Variants in PREX2 observed in about 807,000 individuals in gnomAD.
The protein encoded by PREX2 is phosphatidylinositol-3,4,5-trisphosphate dependent Rac exchange factor 2, also known as phosphatidylinositol 3,4,5-trisphosphate-dependent Rac exchanger 2 protein.
PREX2 carries 107 observed loss-of-function variants against 203.2 expected under a neutral mutation model. That is an observed-to-expected ratio of 0.53 (90% confidence interval 0.45 to 0.62). The LOEUF is 0.62. Among genes scored for constraint, PREX2 ranks in the 20% least tolerant of loss-of-function variants. The probability of loss-of-function intolerance (pLI) is 0.00; values close to 1 mark genes in which losing one functional copy is unlikely to be tolerated. For missense variants in PREX2, 1,777 were observed against 1,955.9 expected, an observed-to-expected ratio of 0.91 and a Z score of 1.72; for synonymous variants, 672 against 663.6, an observed-to-expected ratio of 1.01 and a Z score of -0.19.
chr8:68,164,585 C>CTTTTTTTTTT (rs755033458), intron 35 of PREX2, among the ~76,000 whole-genome samples: 1 of 135,262 alleles, frequency 7.4e-6, no homozygotes, highest in Non-Finnish European at 1.6e-5. Flanking sequence ...TTTCTTTTTT[C>CTTTTTTTTTT]TTTTTTTTTT....
At chr8:68,085,007 A>C (rs1156341314) in intron 18 of PREX2, among the ~76,000 whole-genome samples, 3 of 152,166 alleles carry the variant, frequency 2.0e-5, no homozygotes, top group Admixed American at 2.0e-4. Context: ...GCAGAATAGC[A>C]ATCTGTGTCT....
chr8:68,055,892 T>C lies in PREX2; in HGVS notation c.1156T>C (p.Tyr386His), dbSNP rs767379606. The change falls in exon 10 of 40, where the codon TAT becomes CAT. Residue 386 changes from tyrosine to histidine, a missense_variant. Coordinates refer to ENST00000288368, the MANE Select transcript of PREX2 (RefSeq NM_024870.4). The stretch of plus-strand genomic sequence containing the variant: ...GATCTCTGAACAGGGTGAGAAACTT[T>C]ATAAAATGATGTGCAGACAAGGAAA... ...VMISEQGEKL[Y>H]KMMCRQGNLI... The C allele has an allele frequency of 1.2e-6, 2 of 1,613,482 alleles. No homozygotes were observed. Among genetic ancestry groups the C allele is most frequent in the South Asian group, 2.2e-5 (2 of 91,034 alleles).
intron 23 of PREX2, among the ~76,000 whole-genome samples, chr8:68,107,564 G>T (rs1323400846): frequency 6.6e-6 from 1 of 152,206 alleles, no homozygotes; most frequent in Non-Finnish European, 1.5e-5. Flanking sequence ...TTAGCAGGAG[G>T]CATGGGAAAC....
At position 68,122,739 on chromosome 8, in the gene PREX2, T is replaced by G. The variant is rs1333519790; in HGVS notation, c.3724+1690T>G. Among the ~76,000 whole-genome samples, 3 of 152,140 alleles carry G rather than the reference T, an allele frequency of 2.0e-5. No homozygotes were observed. The East Asian group carries it at 5.8e-4, about 29-fold the overall frequency. On this transcript the variant is annotated intron_variant, in intron 30 of 39. Coordinates refer to ENST00000288368, the MANE Select transcript of PREX2 (RefSeq NM_024870.4). ...CATTAGATTCAAAGAACTTCTTGGC[T>G]TCTGCGTTAATTTTACTATTTATCC...
intron 30 of PREX2, among the ~76,000 whole-genome samples, chr8:68,124,520 G>T (rs1185772215): frequency 4.6e-5 from 7 of 152,088 alleles, no homozygotes; most frequent in Middle Eastern, 6.8e-3. Flanking sequence ...GAGAGGATCA[G>T]AAAAAATACT....
intron 13 of PREX2, among the ~76,000 whole-genome samples, chr8:68,070,973 C>T (rs1809177832): frequency 6.6e-6 from 1 of 152,150 alleles, no homozygotes; most frequent in East Asian, 1.9e-4. Flanking sequence ...AATTCTTTCA[C>T]AGATACCCAT....
chr8:68,137,412 T>C (rs964768977), intron 32 of PREX2, among the ~76,000 whole-genome samples: 3 of 151,940 alleles, frequency 2.0e-5, no homozygotes, highest in Non-Finnish European at 4.4e-5. Flanking sequence ...GGAGGTTACA[T>C]AGGTGCATGC....
At chr8:68,095,637 C>CTT (rs1585785958) in intron 21 of PREX2, among the ~76,000 whole-genome samples, 2 of 105,250 alleles carry the variant, frequency 1.9e-5, no homozygotes, top group African/African-American at 7.8e-5. Flanking sequence ...CTTTCCTTTC[C>CTT]ATTTTTTTTT....
Position 68,231,440 on chromosome 8 carries a change from T to C in PREX2, c.*62T>C, listed in dbSNP as rs1813169175. On this transcript the variant is annotated 3_prime_UTR_variant, in exon 40 of 40. Coordinates refer to ENST00000288368, the MANE Select transcript of PREX2 (RefSeq NM_024870.4). ...TGAATGCTGGACTAGACAAACTACA[T>C]GCTGGCTAAACATTCTCCACTGAAG... 3 of 1,348,096 alleles carry C rather than the reference T, an allele frequency of 2.2e-6. No individual in the cohort carries two copies. The highest frequency in any genetic ancestry group is 1.4e-5 in the South Asian group (1 of 71,288). The allele number at this position is 1,348,096 out of a possible 1,614,324, so 83.5% of individuals were successfully genotyped here.
At chr8:68,043,242 A>G (rs991284755) in intron 7 of PREX2, among the ~76,000 whole-genome samples, 2 of 152,104 alleles carry the variant, frequency 1.3e-5, no homozygotes, top group African/African-American at 4.8e-5. Flanking sequence ...TGCTTTCAAA[A>G]TGAACATGGG....
chr8:68,011,928 T>A (rs546868409), intron 1 of PREX2, among the ~76,000 whole-genome samples: 1 of 152,346 alleles, frequency 6.6e-6, no homozygotes, highest in African/African-American at 2.4e-5. Context: ...TTTATTATAG[T>A]ATTTCACTGC....
intron 1 of PREX2, among the ~76,000 whole-genome samples, chr8:67,987,915 G>A (rs4737248): frequency 2.9e-5 from 1 of 34,184 alleles, no homozygotes; most frequent in East Asian, 7.6e-4. Context: ...GCCAGGGAGT[G>A]TGTGTGTGTG....
chr8:68,095,638 A>T (rs201999803), intron 21 of PREX2, among the ~76,000 whole-genome samples: 390 of 121,384 alleles, frequency 3.2e-3, no homozygotes, highest in Middle Eastern at 4.9e-3. Context: ...TTTCCTTTCC[A>T]TTTTTTTTTT....
At chr8:67,980,477 A>C (rs1204199533) in intron 1 of PREX2, among the ~76,000 whole-genome samples, 1 of 152,192 alleles carries the variant, frequency 6.6e-6, no homozygotes. Flanking sequence ...ACATGTTCTC[A>C]GAACAAAAAG....
At chr8:68,187,867 CTG>C (rs1812221817) in intron 35 of PREX2, among the ~76,000 whole-genome samples, 1 of 152,186 alleles carries the variant, frequency 6.6e-6, no homozygotes, top group Non-Finnish European at 1.5e-5. Flanking sequence ...GTGGGCTACA[CTG>C]AGGCCTCTGG....
At chr8:67,998,603 GA>G (rs1037588237) in intron 1 of PREX2, among the ~76,000 whole-genome samples, 5 of 152,048 alleles carry the variant, frequency 3.3e-5, no homozygotes, top group Admixed American at 1.3e-4. Context: ...AGTGTCTCTA[GA>G]AAAAAAACAA....
chr8:68,055,589 A>G (rs6999164), intron 9 of PREX2, among the ~76,000 whole-genome samples: 87,205 of 151,888 alleles, frequency 0.57, 26,518 homozygotes, highest in African/African-American at 0.78. Flanking sequence ...TCCCCTGGCT[A>G]AAGCTTTATG....
intron 1 of PREX2, among the ~76,000 whole-genome samples, chr8:68,015,968 G>A (rs1807399172): frequency 6.6e-6 from 1 of 152,086 alleles, no homozygotes; most frequent in Non-Finnish European, 1.5e-5. Flanking sequence ...GAAGAGTTGA[G>A]GCTATTCCTT....
chr8:67,981,902 G>A (rs62520682), intron 1 of PREX2, among the ~76,000 whole-genome samples: 17,398 of 152,144 alleles, frequency 0.11, 1,140 homozygotes, highest in African/African-American at 0.19. Flanking sequence ...CATAAGAATC[G>A]CAGCTATCAG....
Sources: allele counts gnomAD v4.1 joint callset (sites outside exome capture counted in the v4.1 genomes callset), GRCh38; gene constraint gnomAD v4.1.1; transcripts MANE v1.5; gene names NCBI Gene and HGNC (gene_info 2026-07-23, HGNC 2026-07-21).